Variants in PRKN observed in about 807,000 individuals in gnomAD.
The protein encoded by PRKN is E3 ubiquitin-protein ligase parkin.
In PRKN, 56 loss-of-function variants were observed where a neutral mutation model predicts 59.5. That is an observed-to-expected ratio of 0.94 (90% confidence interval 0.76 to 1.18). The LOEUF is 1.18. PRKN is among the 50% of genes most tolerant of loss of function. The pLI is 0.00. For synonymous variants in PRKN, 250 were observed against 222.1 expected (o/e 1.13, Z -1.12); for missense variants, 657 against 596.4 (o/e 1.10, Z -1.06).
intron 7 of PRKN, among the ~76,000 whole-genome samples, chr6:161,762,201 G>A (rs1789232390): frequency 6.6e-6 from 1 of 152,226 alleles, no homozygotes. Context: ...CAGTAGGCTG[G>A]ACCAGAACAC....
At chr6:162,216,372 T>C (rs1777651609) in intron 3 of PRKN, among the ~76,000 whole-genome samples, 1 of 149,452 alleles carries the variant, frequency 6.7e-6, no homozygotes, top group East Asian at 2.0e-4. Context: ...CTACTAAAAA[T>C]ACAAAAAATT....
At chr6:162,531,388 G>A (rs1426685518) in intron 1 of PRKN, among the ~76,000 whole-genome samples, 1 of 152,176 alleles carries the variant, frequency 6.6e-6, no homozygotes, top group Non-Finnish European at 1.5e-5. Flanking sequence ...AGAGCCGGCT[G>A]TGCGGGAGAC....
At chr6:162,107,904 C>CT (rs1780261376) in intron 4 of PRKN, among the ~76,000 whole-genome samples, 1 of 152,114 alleles carries the variant, frequency 6.6e-6, no homozygotes, top group Admixed American at 6.5e-5. Flanking sequence ...CCCATAGAAT[C>CT]TAAGTTCCAA....
Position 161,478,812 on chromosome 6 carries a change from C to T in PRKN, c.1083+70042G>A, listed in dbSNP as rs144745387. The stretch of plus-strand genomic sequence containing the variant: ...AGTGAGCTCTGATTGTGCCACTGTA[C>T]TCCCAGCCTGAGTGACAGAGTGAGA... On this transcript the variant is annotated intron_variant, in intron 9 of 11. Transcript: ENST00000366898. Among the ~76,000 whole-genome samples, 110 of 152,314 alleles carry T rather than the reference C, an allele frequency of 7.2e-4. 2 individuals are homozygous for T. The East Asian group carries it at 0.019, about 26-fold the overall frequency.
chr6:162,152,129 T>A (rs1051340395), intron 4 of PRKN, among the ~76,000 whole-genome samples: 1 of 152,158 alleles, frequency 6.6e-6, no homozygotes, highest in Non-Finnish European at 1.5e-5. Flanking sequence ...AAGGCTCTTC[T>A]CTGATTTTAC....
At chr6:161,412,944 G>A (rs1787655553) in intron 9 of PRKN, among the ~76,000 whole-genome samples, 1 of 152,198 alleles carries the variant, frequency 6.6e-6, no homozygotes, top group South Asian at 2.1e-4. Flanking sequence ...TTATTAAGCA[G>A]CAGCTATGCA....
At chr6:161,921,372 CTTAT>C (rs1304077742) in intron 6 of PRKN, among the ~76,000 whole-genome samples, 4 of 152,232 alleles carry the variant, frequency 2.6e-5, no homozygotes, top group African/African-American at 9.6e-5. Flanking sequence ...TTACCGTTAA[CTTAT>C]TTATAAGTAG....
Position 162,102,285 on chromosome 6 carries a change from G to A in PRKN, c.535-48111C>T, listed in dbSNP as rs189397228. On this transcript the variant is annotated intron_variant, in intron 4 of 11. Coordinates refer to ENST00000366898, the MANE Select transcript of PRKN (RefSeq NM_004562.3). ...CTCCCACTTATAAGTGAGAAGGTGC[G>A]GTGTCTGGTTTTCTGTTCCTGCATT... 2.0e-4 allele frequency among the ~76,000 whole-genome samples: 31 copies of A among 152,170 alleles called. 1 individual carries two copies. The highest frequency in any genetic ancestry group is 1.4e-3 in the East Asian group (7 of 5,172).
At chr6:161,614,665 A>G (rs767139213) in intron 7 of PRKN, among the ~76,000 whole-genome samples, 3 of 152,274 alleles carry the variant, frequency 2.0e-5, no homozygotes, top group Non-Finnish European at 4.4e-5. Context: ...ACATATATGT[A>G]TAGACACTAC....
chr6:161,685,945 CAT>C (rs1359744845), intron 7 of PRKN, among the ~76,000 whole-genome samples: 2 of 152,150 alleles, frequency 1.3e-5, no homozygotes, highest in Non-Finnish European at 2.9e-5. Context: ...TGTGGCTCAT[CAT>C]ATGTTTCCAA....
chr6:161,510,182 C>T (rs1036114775), intron 9 of PRKN, among the ~76,000 whole-genome samples: 3 of 152,184 alleles, frequency 2.0e-5, no homozygotes, highest in Non-Finnish European at 4.4e-5. Context: ...GGAACCTAGG[C>T]TCTTTACTCT....
chr6:162,671,972 C>T (rs971022506), intron 1 of PRKN, among the ~76,000 whole-genome samples: 4 of 151,844 alleles, frequency 2.6e-5, no homozygotes, highest in Admixed American at 6.6e-5. Context: ...GGAGGTGCTG[C>T]GGGGAGGATG....
intron 7 of PRKN, among the ~76,000 whole-genome samples, chr6:161,637,436 G>A (rs1783567189): frequency 6.6e-6 from 1 of 151,188 alleles, no homozygotes; most frequent in Admixed American, 6.6e-5. Context: ...AAAAAAAAAA[G>A]GAGGGAAAGA....
In PRKN at chr6:161,414,699, T is replaced by C. The variant is rs186270730; in HGVS notation, c.1084-27822A>G. 1.0e-3 allele frequency among the ~76,000 whole-genome samples: 157 copies of C among 152,298 alleles called. No individual in the cohort carries two copies. The highest frequency in any genetic ancestry group is 3.6e-3 in the African/African-American group (151 of 41,568). Reference sequence around the variant, plus strand: ...GATTTTTTTTAACTGAGTAAGGTCATCTTTTCCTGATGAAGCCCCAAAGTG... The same window carrying C: ...GATTTTTTTTAACTGAGTAAGGTCACCTTTTCCTGATGAAGCCCCAAAGTG... On this transcript the variant is annotated intron_variant, in intron 9 of 11. Coordinates refer to ENST00000366898, the MANE Select transcript of PRKN (RefSeq NM_004562.3). This position sits in a 1 kb window ranked among gnomAD's most constrained non-coding sequence, Gnocchi z 5.3.
At chr6:162,561,500 G>T (rs976734272) in intron 1 of PRKN, among the ~76,000 whole-genome samples, 1 of 152,116 alleles carries the variant, frequency 6.6e-6, no homozygotes, top group Middle Eastern at 3.4e-3. Flanking sequence ...CCAAAAATCA[G>T]GTGAGCACTC....
chr6:161,386,696 T>C lies in PRKN; in HGVS notation c.1167+98A>G. The C allele has an allele frequency of 1.0e-6, 1 of 985,008 alleles. No individual in the cohort carries two copies. The highest frequency in any genetic ancestry group is 2.4e-5 in the East Asian group (1 of 42,008). 61.0% of individuals were successfully genotyped at this position (985,008 alleles called of 1,614,324 possible). A position where few individuals can be genotyped will look rare whatever the true frequency, so the allele number is the denominator to read the frequency against. On this transcript the variant is annotated intron_variant, in intron 10 of 11. Coordinates refer to ENST00000366898, the MANE Select transcript of PRKN (RefSeq NM_004562.3). This position sits in a 1 kb window ranked among gnomAD's most constrained non-coding sequence, Gnocchi z 4.3. ...TGTCAGCTACCAGTCTGCTTCTTGC[T>C]TTTTTAGAATGGAACTCTCCATGAC...
chr6:162,187,788 T>C (rs1039484882), intron 4 of PRKN, among the ~76,000 whole-genome samples: 1 of 152,124 alleles, frequency 6.6e-6, no homozygotes, highest in Non-Finnish European at 1.5e-5. Flanking sequence ...ACATGGAAAC[T>C]CCTTTAGAGG....
At chr6:162,640,962 G>A (rs1777934035) in intron 1 of PRKN, among the ~76,000 whole-genome samples, 1 of 152,170 alleles carries the variant, frequency 6.6e-6, no homozygotes, top group Non-Finnish European at 1.5e-5. Flanking sequence ...TATTATCACA[G>A]CAGGCAAGAG....
intron 2 of PRKN, among the ~76,000 whole-genome samples, chr6:162,380,865 A>G (rs917916197): frequency 6.6e-6 from 1 of 152,106 alleles, no homozygotes; most frequent in Non-Finnish European, 1.5e-5. Flanking sequence ...AAGAGTCTGT[A>G]TCACTGGACC....
Sources: gnomAD v4.1 joint callset for allele counts (sites outside exome capture counted in the v4.1 genomes callset) on GRCh38, gnomAD v4.1.1 for gene constraint, Gnocchi (gnomAD v3.1) non-coding constraint, MANE v1.5 for transcripts, NCBI Gene and HGNC (gene_info 2026-07-23, HGNC 2026-07-21) for gene names.